SYTL3: variants seen among roughly 807,000 people sequenced by gnomAD.
SYTL3 encodes the protein synaptotagmin-like protein 3.
SYTL3 carries 88 observed loss-of-function variants against 82.1 expected under a neutral mutation model. The observed-to-expected ratio is 1.07, with a 90% confidence interval of 0.90 to 1.28. SYTL3 has a LOEUF of 1.28. SYTL3 is among the 50% of genes most tolerant of loss of function. SYTL3 has a pLI of 0.00. For missense variants in SYTL3, 831 were observed against 757.6 expected (o/e 1.10, Z -1.14); for synonymous variants, 311 against 289.4 (o/e 1.07, Z -0.76).
At chr6:158,706,219 T>C (rs531729499) in intron 6 of SYTL3, among the ~76,000 whole-genome samples, 1 of 152,128 alleles carries the variant, frequency 6.6e-6, no homozygotes, top group Non-Finnish European at 1.5e-5. Flanking sequence ...CTCGGAACTT[T>C]AGCCATGATT....
chr6:158,737,201 C>A lies in SYTL3; in HGVS notation c.856-8279C>A, dbSNP rs116126635. 9.1e-3 allele frequency among the ~76,000 whole-genome samples: 1,390 copies of A among 152,248 alleles called. 13 individuals carry two copies. The highest frequency in any genetic ancestry group is 0.031 in the African/African-American group (1,283 of 41,532). The stretch of plus-strand genomic sequence containing the variant: ...GTTAACTAATTGAACTTCACCATGA[C>A]CCTATGAAATAGATCCCCATTTTAC... On this transcript the variant is annotated intron_variant, in intron 11 of 17. Coordinates refer to ENST00000611299, the MANE Select transcript of SYTL3 (RefSeq NM_001242394.2).
chr6:158,722,426 T>C (rs920030515), intron 10 of SYTL3, among the ~76,000 whole-genome samples: 10 of 152,116 alleles, frequency 6.6e-5, no homozygotes, highest in African/African-American at 2.4e-4. Context: ...AATCACGCGG[T>C]GACTCGGGGA....
chr6:158,730,593 C>T (rs886787166), intron 11 of SYTL3, among the ~76,000 whole-genome samples: 5 of 152,190 alleles, frequency 3.3e-5, no homozygotes, highest in African/African-American at 1.2e-4. Context: ...GAGACCCACC[C>T]TGTGTGACGA....
At chr6:158,720,406 C>CA (rs10640552) in intron 10 of SYTL3, among the ~76,000 whole-genome samples, 23,366 of 88,130 alleles carry the variant, frequency 0.27, 3,190 homozygotes, top group Non-Finnish European at 0.31. Flanking sequence ...AACTTTGTCT[C>CA]AAAAAAAAAA....
chr6:158,730,388 A>G (rs977527305), intron 11 of SYTL3, among the ~76,000 whole-genome samples: 1 of 152,102 alleles, frequency 6.6e-6, no homozygotes, highest in Admixed American at 6.5e-5. Context: ...TTGCCCTGCT[A>G]AAAAAACTTT....
chr6:158,688,114 G>A (rs1483708689), intron 6 of SYTL3, among the ~76,000 whole-genome samples: 1 of 152,208 alleles, frequency 6.6e-6, no homozygotes, highest in Non-Finnish European at 1.5e-5. Flanking sequence ...CTTCCAAAAT[G>A]TATTGATGAC....
chr6:158,689,049 G>A (rs1779582947), intron 6 of SYTL3, among the ~76,000 whole-genome samples: 1 of 152,202 alleles, frequency 6.6e-6, no homozygotes, highest in African/African-American at 2.4e-5. Context: ...TCATAGGAAT[G>A]TGTCATCATT....
At chr6:158,733,067 T>C (rs1382183828) in intron 11 of SYTL3, among the ~76,000 whole-genome samples, 1 of 152,106 alleles carries the variant, frequency 6.6e-6, no homozygotes, top group African/African-American at 2.4e-5. Flanking sequence ...ATAATTTCTT[T>C]TAAAAACTAA....
At chr6:158,744,401 G>A (rs776728960) in intron 11 of SYTL3, among the ~76,000 whole-genome samples, 43 of 149,578 alleles carry the variant, frequency 2.9e-4, no homozygotes, top group Non-Finnish European at 5.0e-4. Context: ...CCGCCTCCTG[G>A]GTTCACGCCA....
At chr6:158,662,373 G>A (rs137874163) in intron 3 of SYTL3, among the ~76,000 whole-genome samples, 15 of 152,362 alleles carry the variant, frequency 9.8e-5, no homozygotes, top group African/African-American at 3.6e-4. Context: ...GGCTGAGCTT[G>A]TGGTGGTGCT....
intron 7 of SYTL3, 57 bp downstream of exon 7, chr6:158,707,338 C>T (rs1440943659): frequency 5.3e-6 from 8 of 1,506,662 alleles, no homozygotes; most frequent in Non-Finnish European, 7.4e-6. Context: ...GCGCAGAGGA[C>T]ACTCTGCAAG....
intron 5 of SYTL3, among the ~76,000 whole-genome samples, chr6:158,672,556 CTT>C (rs549428783): frequency 7.1e-5 from 9 of 126,132 alleles, no homozygotes; most frequent in Admixed American, 2.3e-4. Context: ...TTTTTTGTTT[CTT>C]TTTTTTTTTT....
chr6:158,756,184 C>T (rs1354786080), intron 13 of SYTL3, among the ~76,000 whole-genome samples: 9 of 152,196 alleles, frequency 5.9e-5, no homozygotes, highest in East Asian at 3.9e-4. Context: ...GAGGGGCCTT[C>T]GGCCTCTAGT....
At chr6:158,649,549 G>A (rs927926608), upstream of SYTL3, among the ~76,000 whole-genome samples, 1 of 152,210 alleles carries the variant, frequency 6.6e-6, no homozygotes, top group East Asian at 1.9e-4. Context: ...GACACTTCAC[G>A]GTGCTGAGTA....
rs1007879085 is a variant in SYTL3 at position 158,757,189 on chromosome 6, C to T, written c.1138-22C>T. The T allele has an allele frequency of 1.9e-6, 3 of 1,601,212 alleles. No homozygotes were observed. In the African/African-American group the frequency reaches 4.0e-5, roughly 21 times the overall value. On this transcript the variant is annotated intron_variant, in intron 13 of 17. Coordinates refer to ENST00000611299, the MANE Select transcript of SYTL3 (RefSeq NM_001242394.2). ...TGCGGGCCCCGGGAGCCCAGCTGAC[C>T]ATCTCTTCCTTGCCTCTGCAGTATC...
rs1263168197 is a variant in SYTL3, at chr6:158,718,226, AC to A, written c.720+16del. 11 of 1,515,614 alleles carry A rather than the reference AC, an allele frequency of 7.3e-6. No homozygotes were observed. The highest frequency in any genetic ancestry group is 9.7e-6 in the Non-Finnish European group (11 of 1,129,344). 93.9% of individuals were successfully genotyped at this position (1,515,614 alleles called of 1,614,324 possible). A position where few individuals can be genotyped will look rare whatever the true frequency, so the allele number is the denominator to read the frequency against. ...TCACCACCAGGGTACCCTGAGCCCCACAAGGCCTCCACGCTGATCACCTTCA... is the reference window on the plus strand; with the variant it reads ...TCACCACCAGGGTACCCTGAGCCCCAAAGGCCTCCACGCTGATCACCTTCA... On this transcript the variant is annotated intron_variant, in intron 10 of 17. Coordinates refer to ENST00000611299, the MANE Select transcript of SYTL3 (RefSeq NM_001242394.2).
chr6:158,665,478 G>T lies in SYTL3; in HGVS notation c.194G>T (p.Arg65Leu). Residue 65 changes from arginine to leucine, a missense_variant, in exon 5 of 18, where the codon CGC (arginine) becomes CTC (leucine). By Grantham distance (102) the Arg-to-Leu change is moderately radical (BLOSUM62 -2). Transcript: ENST00000611299. ...DWEHKEKCCARCQQVLGFLLH... is the reference protein window; with the variant it reads ...DWEHKEKCCALCQQVLGFLLH... Reference sequence around the variant, plus strand: ...GAGCACAAAGAGAAGTGCTGTGCGCGCTGCCAGCAGGTGCTGGGGTTCCTG... The same window carrying T: ...GAGCACAAAGAGAAGTGCTGTGCGCTCTGCCAGCAGGTGCTGGGGTTCCTG... 6.2e-7 allele frequency: 1 copy of T among 1,606,686 alleles called. No homozygotes were observed.
In SYTL3 at chr6:158,764,730, C is replaced by T. The variant is rs539145407; in HGVS notation, c.*126C>T. On this transcript the variant is annotated 3_prime_UTR_variant, in exon 18 of 18. Transcript: ENST00000611299. ...GACCTTGAGCAGTCTCCATCTGCGG[C>T]CCTGTCCCATGGCTTAACCGCCTAT... The T allele has an allele frequency of 1.5e-6, 1 of 653,376 alleles. No homozygotes were observed. The highest frequency in any genetic ancestry group is 1.8e-5 in the South Asian group (1 of 54,426). 40.5% of individuals were successfully genotyped at this position (653,376 alleles called of 1,614,324 possible).
intron 11 of SYTL3, among the ~76,000 whole-genome samples, chr6:158,738,921 G>T (rs1341801538): frequency 6.6e-6 from 1 of 152,206 alleles, no homozygotes; most frequent in Admixed American, 6.5e-5. Flanking sequence ...GCCTCCCAAA[G>T]TGCTGGGATT....
Sources: allele counts gnomAD v4.1 joint callset (sites outside exome capture counted in the v4.1 genomes callset), GRCh38; gene constraint gnomAD v4.1.1; transcripts MANE v1.5; gene names NCBI Gene and HGNC (gene_info 2026-07-23, HGNC 2026-07-21).